The following SDK1 variants were observed in gnomAD, a reference collection of about 807,000 sequenced individuals.
SDK1 encodes sidekick cell adhesion molecule 1.
SDK1 carries 157 observed loss-of-function variants against 245.5 expected under a neutral mutation model. The ratio of observed to expected loss-of-function variants is 0.64; its 90% confidence interval spans 0.56 to 0.73. The LOEUF is 0.73. Ranked by LOEUF, SDK1 falls within the 30% of genes least tolerant of loss-of-function variation. SDK1 has a pLI of 0.00. For synonymous variants in SDK1, 1,647 were observed against 1,278.5 expected (o/e 1.29, Z -6.15); for missense variants, 3,583 against 3,002.3 (o/e 1.19, Z -4.52).
chr7:3,309,248 T>G (rs1779492167), intron 1 of SDK1, among the ~76,000 whole-genome samples: 1 of 152,160 alleles, frequency 6.6e-6, no homozygotes, highest in Admixed American at 6.5e-5. Flanking sequence ...AAAGAGATTT[T>G]GATAGGGTAT....
intron 22 of SDK1, among the ~76,000 whole-genome samples, chr7:4,107,216 A>G (rs1430182690): frequency 6.6e-6 from 1 of 151,548 alleles, no homozygotes; most frequent in Non-Finnish European, 1.5e-5. Flanking sequence ...AGCAAAGGTG[A>G]ATGAGCGTCC....
chr7:4,245,776 G>T lies in SDK1; in HGVS notation c.6352G>T (p.Glu2118Ter). The T allele has an allele frequency of 1.2e-6, 2 of 1,613,946 alleles. No homozygotes were observed. The highest frequency in any genetic ancestry group is 2.2e-5 in the South Asian group (2 of 91,056). ...AVLTESVSLK[E>*]KSADASESEA... ...GCTGACCGAGAGCGTGAGCCTCAAG[G>T]AGAAGTCGGCAGATGCATCAGAATC... The change falls in exon 44 of 45, where the codon GAG becomes TAG. Residue 2118 changes from glutamate to a stop codon, truncating the protein, a stop_gained. Coordinates refer to ENST00000404826, the MANE Select transcript of SDK1 (RefSeq NM_152744.4). LOFTEE classifies it high-confidence loss of function.
intron 1 of SDK1, among the ~76,000 whole-genome samples, chr7:3,565,501 G>A (rs1002458717): frequency 5.3e-5 from 8 of 152,136 alleles, no homozygotes; most frequent in African/African-American, 1.2e-4. Context: ...AGATAAAATT[G>A]TCATTACTTA....
At chr7:4,191,318 G>A (rs1403190494) in intron 35 of SDK1, among the ~76,000 whole-genome samples, 4 of 152,210 alleles carry the variant, frequency 2.6e-5, no homozygotes, top group Non-Finnish European at 5.9e-5. Flanking sequence ...GGCTTCACAC[G>A]CACAGCCCGG....
intron 22 of SDK1, among the ~76,000 whole-genome samples, chr7:4,093,290 G>T (rs1781921731): frequency 6.6e-6 from 1 of 152,002 alleles, no homozygotes; most frequent in East Asian, 2.0e-4. Flanking sequence ...TGTCTGCTCA[G>T]TTACCTCTGT....
At chr7:3,805,185 T>TA (rs1425317437) in intron 4 of SDK1, among the ~76,000 whole-genome samples, 1 of 152,360 alleles carries the variant, frequency 6.6e-6, no homozygotes, top group African/African-American at 2.4e-5. Context: ...TTTATGCTAC[T>TA]AAAAAATACA....
At chr7:3,626,950 C>T (rs575965588) in intron 2 of SDK1, among the ~76,000 whole-genome samples, 19 of 151,546 alleles carry the variant, frequency 1.3e-4, no homozygotes, top group South Asian at 1.0e-3. Flanking sequence ...TATTTTGAGA[C>T]GGGGTCTTGC....
intron 5 of SDK1, among the ~76,000 whole-genome samples, chr7:3,926,230 C>T (rs893613456): frequency 6.6e-6 from 1 of 152,156 alleles, no homozygotes; most frequent in Non-Finnish European, 1.5e-5. Context: ...ATCAGGGACC[C>T]TTTGGCCACT....
At chr7:3,720,400 A>G (rs1435101257) in intron 4 of SDK1, among the ~76,000 whole-genome samples, 2 of 152,224 alleles carry the variant, frequency 1.3e-5, no homozygotes, top group Admixed American at 6.5e-5. Context: ...TTAAAAACCT[A>G]TCAGAAAATG....
At chr7:4,205,297 T>C (rs1291955227) in intron 35 of SDK1, among the ~76,000 whole-genome samples, 1 of 152,172 alleles carries the variant, frequency 6.6e-6, no homozygotes, top group African/African-American at 2.4e-5. Context: ...GAACCTGTCA[T>C]GGGAACACAG....
chr7:3,949,441 C>T (rs945818056), intron 5 of SDK1, among the ~76,000 whole-genome samples: 8 of 152,198 alleles, frequency 5.3e-5, no homozygotes, highest in African/African-American at 1.7e-4. Context: ...GTTCTCTCTC[C>T]GCGGCCCTCA....
chr7:3,702,466 A>G (rs1317900919), intron 4 of SDK1, among the ~76,000 whole-genome samples: 2 of 152,146 alleles, frequency 1.3e-5, no homozygotes, highest in Non-Finnish European at 2.9e-5. Flanking sequence ...TCCATACTGG[A>G]CATGAATAAG....
intron 5 of SDK1, among the ~76,000 whole-genome samples, chr7:3,908,828 CATT>C (rs1779053631): frequency 7.2e-6 from 1 of 137,962 alleles, no homozygotes; most frequent in South Asian, 2.1e-4. Context: ...GGAAAGAATT[CATT>C]TTTTTTTTTT....
chr7:4,071,080 C>T (rs769823325), intron 20 of SDK1, among the ~76,000 whole-genome samples: 2 of 151,914 alleles, frequency 1.3e-5, no homozygotes, highest in Non-Finnish European at 2.9e-5. Context: ...GGTTGGAGTG[C>T]AGTGGTGTGA....
intron 5 of SDK1, among the ~76,000 whole-genome samples, chr7:3,844,836 G>A (rs1780237963): frequency 6.6e-6 from 1 of 152,160 alleles, no homozygotes. Context: ...TTTATCAAAT[G>A]TGCAGTTTGG....
intron 4 of SDK1, among the ~76,000 whole-genome samples, chr7:3,653,275 C>T (rs1272571292): frequency 2.0e-5 from 3 of 152,190 alleles, no homozygotes. Context: ...GTGCTTTCCC[C>T]TTCCCTCCTC....
chr7:3,389,114 G>A (rs546371567), intron 1 of SDK1, among the ~76,000 whole-genome samples: 1 of 152,238 alleles, frequency 6.6e-6, no homozygotes, highest in South Asian at 2.1e-4. Context: ...GGAGGAATAA[G>A]GGCAGATGTA....
intron 1 of SDK1, among the ~76,000 whole-genome samples, chr7:3,609,263 C>T (rs1027157023): frequency 1.3e-5 from 2 of 152,066 alleles, no homozygotes; most frequent in African/African-American, 4.8e-5. Context: ...CAAAGGGATC[C>T]TGAGACCAAA....
intron 4 of SDK1, among the ~76,000 whole-genome samples, chr7:3,786,210 C>T (rs778486886): frequency 6.6e-5 from 10 of 152,152 alleles, no homozygotes; most frequent in African/African-American, 2.4e-4. Flanking sequence ...ATGTACTGGA[C>T]AGAAGCATGT....
Sources: allele counts gnomAD v4.1 joint callset (sites outside exome capture counted in the v4.1 genomes callset), GRCh38; gene constraint gnomAD v4.1.1; transcripts MANE v1.5; gene names NCBI Gene and HGNC (gene_info 2026-07-23, HGNC 2026-07-21).